Variants in TTLL11 observed in about 807,000 individuals in gnomAD.
TTLL11 encodes tubulin polyglutamylase TTLL11.
A neutral mutation model predicts 51.7 loss-of-function variants in TTLL11; 42 were observed. The observed-to-expected ratio is 0.81, with a 90% CI of 0.64 to 1.05. TTLL11 has a LOEUF of 1.05. Ranked by LOEUF, TTLL11 falls within the 50% of genes least tolerant of loss-of-function variation. The pLI, the probability that TTLL11 is intolerant of heterozygous loss-of-function variation, is 0.00. For synonymous variants in TTLL11, 381 were observed against 383.5 expected (o/e 0.99, Z 0.08); for missense variants, 799 against 940.4 (o/e 0.85, Z 1.97).
intron 1 of TTLL11, among the ~76,000 whole-genome samples, chr9:122,046,832 T>C (rs992740228): frequency 2.6e-5 from 4 of 152,066 alleles, no homozygotes; most frequent in African/African-American, 9.7e-5. Flanking sequence ...AACCAAGATA[T>C]GGAAATGGAA....
chr9:121,912,469 C>T (rs1274401040), intron 6 of TTLL11, among the ~76,000 whole-genome samples: 3 of 151,926 alleles, frequency 2.0e-5, no homozygotes, highest in African/African-American at 7.3e-5. Context: ...TAAGCTCCCC[C>T]TTCTGCTCGG....
intron 6 of TTLL11, among the ~76,000 whole-genome samples, chr9:121,941,646 A>C (rs950951245): frequency 1.3e-5 from 2 of 152,112 alleles, no homozygotes; most frequent in Non-Finnish European, 2.9e-5. Context: ...CTCTCTGATC[A>C]ATTCTTTCCC....
At position 121,989,552 on chromosome 9, in the gene TTLL11, G is replaced by C; in HGVS notation, c.912C>G (p.Leu304=). ...AAATCTCTAAGGGGTCTAAGGACTT[G>C]AGTAAGACATACAGACGAATATCAA... ...LKFDIRLYVL[L]KSLDPLEIYI... The change falls in exon 4 of 9, where the codon CTC becomes CTG. Residue 304 remains leucine (L), a synonymous_variant. Coordinates refer to ENST00000321582, the MANE Select transcript of TTLL11 (RefSeq NM_001139442.2). The surrounding 1 kb of genome is among the most constrained non-coding windows in gnomAD (Gnocchi z 4.2). 1 of 1,614,178 alleles carries C rather than the reference G, an allele frequency of 6.2e-7. No individual in the cohort carries two copies. Among genetic ancestry groups the C allele is most frequent in the Non-Finnish European group, 8.5e-7 (1 of 1,180,044 alleles).
chr9:121,915,179 C>T (rs1358181402), intron 6 of TTLL11, among the ~76,000 whole-genome samples: 1 of 152,152 alleles, frequency 6.6e-6, no homozygotes, highest in Non-Finnish European at 1.5e-5. Context: ...ATTTACCCAT[C>T]ATAGCAACAT....
At chr9:121,869,889 T>C (rs367931999) in intron 7 of TTLL11, among the ~76,000 whole-genome samples, 1 of 152,216 alleles carries the variant, frequency 6.6e-6, no homozygotes, top group African/African-American at 2.4e-5. Context: ...GGGAAATTAA[T>C]GTGTAATCTC....
At chr9:121,842,172 A>G (rs955359734) in intron 8 of TTLL11, among the ~76,000 whole-genome samples, 2 of 152,164 alleles carry the variant, frequency 1.3e-5, no homozygotes, top group African/African-American at 2.4e-5. Flanking sequence ...GCTTCTTCCA[A>G]TACTTTGCTA....
chr9:122,074,092 G>T (rs1307050775), intron 1 of TTLL11, among the ~76,000 whole-genome samples: 4 of 152,052 alleles, frequency 2.6e-5, no homozygotes, highest in African/African-American at 4.8e-5. Context: ...GGCCAGCATG[G>T]TGAGACCCCA....
chr9:121,861,282 G>A (rs563114469), intron 7 of TTLL11, among the ~76,000 whole-genome samples: 3 of 152,134 alleles, frequency 2.0e-5, no homozygotes, highest in South Asian at 4.2e-4. Context: ...TCACCATGTT[G>A]GCCAGGCTGG....
intron 6 of TTLL11, among the ~76,000 whole-genome samples, chr9:121,938,309 C>T (rs1245590015): frequency 7.6e-6 from 1 of 131,162 alleles, no homozygotes; most frequent in Admixed American, 7.5e-5. Context: ...AAAAAAAAAT[C>T]AGGAATATGA....
rs540536092 is a variant in TTLL11, at chr9:122,004,121, C to A, written c.694-14351G>T. Reference sequence around the variant, plus strand: ...TGGATGACAGAGTGAGACTCCATCTCAAAAAAAAATAATAAAATAAAAATA... The same window carrying A: ...TGGATGACAGAGTGAGACTCCATCTAAAAAAAAAATAATAAAATAAAAATA... On this transcript the variant is annotated intron_variant, in intron 3 of 8. Transcript: ENST00000321582. 5.1e-4 allele frequency among the ~76,000 whole-genome samples: 76 copies of A among 147,854 alleles called. No individual in the cohort carries two copies. In the Middle Eastern group the frequency reaches 0.01, roughly 20 times the overall value.
chr9:121,885,116 C>G (rs1403043967), intron 6 of TTLL11: 2 of 152,170 alleles, frequency 1.3e-5, no homozygotes, highest in Non-Finnish European at 2.9e-5. Context: ...GAATCATTTT[C>G]TGGAAGTCCA....
intron 1 of TTLL11, among the ~76,000 whole-genome samples, chr9:122,055,489 C>T (rs891372733): frequency 8.5e-5 from 13 of 152,120 alleles, no homozygotes; most frequent in African/African-American, 1.2e-4. Flanking sequence ...AGATGGTGCC[C>T]GCTCAGATTA....
intron 1 of TTLL11, among the ~76,000 whole-genome samples, chr9:122,076,427 A>AACTGG (rs1182148034): frequency 1.3e-5 from 2 of 152,202 alleles, no homozygotes; most frequent in Admixed American, 6.5e-5. Context: ...CAGTGGGTGA[A>AACTGG]ACTGGAAGCA....
chr9:122,001,716 A>G (rs12341511), intron 3 of TTLL11, among the ~76,000 whole-genome samples: 65,977 of 151,812 alleles, frequency 0.43, 16,201 homozygotes, highest in African/African-American at 0.67. Context: ...GCTGGAAACC[A>G]ACACACCAAG....
intron 6 of TTLL11, among the ~76,000 whole-genome samples, chr9:121,957,884 G>C (rs960901354): frequency 6.6e-6 from 1 of 152,224 alleles, no homozygotes; most frequent in Admixed American, 6.5e-5. Flanking sequence ...GTGGTAGATG[G>C]AGTCAGGATT....
At chr9:122,006,981 C>CAAAAA (rs71371911) in intron 3 of TTLL11, among the ~76,000 whole-genome samples, 14 of 43,458 alleles carry the variant, frequency 3.2e-4, no homozygotes, top group African/African-American at 5.0e-4. Flanking sequence ...GATACTCTGT[C>CAAAAA]AAAAAAAAAA....
chr9:121,991,242 GC>G (rs1843102808), intron 3 of TTLL11, among the ~76,000 whole-genome samples: 1 of 152,224 alleles, frequency 6.6e-6, no homozygotes, highest in Admixed American at 6.5e-5. Context: ...TCTAAATAAA[GC>G]TTTTGCCAAT....
intron 6 of TTLL11, among the ~76,000 whole-genome samples, chr9:121,970,094 A>C (rs550421450): frequency 6.6e-6 from 1 of 152,388 alleles, no homozygotes; most frequent in East Asian, 1.9e-4. Context: ...GTAGGTAAGA[A>C]GAGGATGAGA....
intron 6 of TTLL11, among the ~76,000 whole-genome samples, chr9:121,920,965 A>C (rs1274716998): frequency 6.6e-6 from 1 of 152,230 alleles, no homozygotes; most frequent in African/African-American, 2.4e-5. Flanking sequence ...ATACATCCTC[A>C]TGCTTTTGAG....
Sources: allele counts gnomAD v4.1 joint callset (sites outside exome capture counted in the v4.1 genomes callset), GRCh38; gene constraint gnomAD v4.1.1; non-coding constraint Gnocchi (gnomAD v3.1); transcripts MANE v1.5; gene names NCBI Gene and HGNC (gene_info 2026-07-23, HGNC 2026-07-21).